The following FSTL4 variants were observed in gnomAD, a reference collection of about 807,000 sequenced individuals.
FSTL4 encodes follistatin like 4.
Under a neutral mutation model 78.2 loss-of-function variants are expected in FSTL4, and 28 were observed. The ratio of observed to expected loss-of-function variants is 0.36; its 90% CI spans 0.27 to 0.49. FSTL4 has a LOEUF of 0.49. Among genes scored for constraint, FSTL4 ranks in the 20% least tolerant of loss-of-function variants. FSTL4 has a pLI of 0.98. For synonymous variants in FSTL4, 422 were observed against 440.5 expected (o/e 0.96, Z 0.53); for missense variants, 922 against 1,084.9 (o/e 0.85, Z 2.11).
At chr5:133,395,971 T>G (rs958254045) in intron 4 of FSTL4, among the ~76,000 whole-genome samples, 1 of 152,296 alleles carries the variant, frequency 6.6e-6, no homozygotes, top group South Asian at 2.1e-4. Context: ...CTAGATGAAC[T>G]TGGGTGGCTC....
chr5:133,674,164 C>T, the FSTL4 span, among the ~76,000 whole-genome samples: 6,805 of 152,274 alleles, frequency 0.045, 207 homozygotes, highest in South Asian at 0.14. Flanking sequence ...GAAGGGCTCC[C>T]CACACTGCTG....
At chr5:133,649,340 T>A in the FSTL4 span, among the ~76,000 whole-genome samples, 1 of 152,328 alleles carries the variant, frequency 6.6e-6, no homozygotes, top group South Asian at 2.1e-4. Context: ...TGTAGGTTCT[T>A]GTGTATAGAG....
At chr5:133,691,852 G>A in the FSTL4 span, among the ~76,000 whole-genome samples, 4 of 152,272 alleles carry the variant, frequency 2.6e-5, no homozygotes, top group East Asian at 1.9e-4. Flanking sequence ...TCTCAGTGAC[G>A]GCAGGGGATG....
At chr5:133,489,969 C>A (rs898879731) in intron 3 of FSTL4, among the ~76,000 whole-genome samples, 2 of 152,224 alleles carry the variant, frequency 1.3e-5, no homozygotes, top group Non-Finnish European at 2.9e-5. Context: ...CCAGGAAATA[C>A]CTGTTTCTAT....
At chr5:133,742,225 C>T in the FSTL4 span, among the ~76,000 whole-genome samples, 3 of 152,146 alleles carry the variant, frequency 2.0e-5, no homozygotes, top group African/African-American at 2.4e-5. Context: ...CTAGCAGGGC[C>T]GCCCTGTGGA....
At chr5:133,241,587 C>T (rs1281071675) in intron 7 of FSTL4, among the ~76,000 whole-genome samples, 2 of 152,200 alleles carry the variant, frequency 1.3e-5, no homozygotes, top group African/African-American at 4.8e-5. Flanking sequence ...GTAGGGGTGG[C>T]AGCTAATGGG....
At chr5:133,545,184 C>A (rs1447040378) in intron 3 of FSTL4, among the ~76,000 whole-genome samples, 2 of 152,096 alleles carry the variant, frequency 1.3e-5, no homozygotes, top group East Asian at 3.9e-4. Flanking sequence ...GACTTCTGGA[C>A]AAAAAGAGCT....
Position 133,221,891 on chromosome 5 carries a change from GTTTTTTT to G in FSTL4, c.1340-1032_1340-1026del, listed in dbSNP as rs59400068. ...AATATGTAGAAAAATCTCTTTTCTA[GTTTTTTT>G]TTTTTTTTTTTTTTTTTTTTTTTTT... is the stretch of plus-strand genomic sequence containing the variant. On this transcript the variant is annotated intron_variant, in intron 11 of 15. Transcript: ENST00000265342. Among the ~76,000 whole-genome samples the G allele has an allele frequency of 7.0e-3, 303 of 43,328 alleles. 4 individuals are homozygous for G. Among genetic ancestry groups the G allele is most frequent in the Middle Eastern group, 0.05 (4 of 80 alleles). 28.4% of individuals were successfully genotyped at this position (43,328 alleles called of 152,430 possible). A position where few individuals can be genotyped will look rare whatever the true frequency, so the allele number is the denominator to read the frequency against.
At chr5:133,664,755 A>C in the FSTL4 span, among the ~76,000 whole-genome samples, 2 of 152,322 alleles carry the variant, frequency 1.3e-5, no homozygotes, top group African/African-American at 4.8e-5. Flanking sequence ...TAACTCTGTC[A>C]GGGGTTTTAT....
chr5:133,351,312 T>A lies in FSTL4; in HGVS notation c.410-34660A>T, dbSNP rs180898195. Among the ~76,000 whole-genome samples, 200 of 152,330 alleles carry A rather than the reference T, an allele frequency of 1.3e-3. 2 individuals are homozygous for A. Among genetic ancestry groups the A allele is most frequent in the African/African-American group, 4.5e-3 (186 of 41,588 alleles). ...TACAATTTTACCATTAAGTCTTGAATCACTTTTATAATTTTGCCTGGAACT... is the reference window on the plus strand; with the variant it reads ...TACAATTTTACCATTAAGTCTTGAAACACTTTTATAATTTTGCCTGGAACT... On this transcript the variant is annotated intron_variant, in intron 4 of 15. Transcript: ENST00000265342.
At chr5:133,308,070 G>A (rs572280654) in intron 6 of FSTL4, among the ~76,000 whole-genome samples, 2 of 152,144 alleles carry the variant, frequency 1.3e-5, no homozygotes, top group Non-Finnish European at 1.5e-5. Flanking sequence ...GTGAGCCACC[G>A]TGCCCGGCCT....
At chr5:133,636,468 A>C in the FSTL4 span, among the ~76,000 whole-genome samples, 1 of 152,138 alleles carries the variant, frequency 6.6e-6, no homozygotes, top group Admixed American at 6.5e-5. Context: ...CACAGTAAAC[A>C]CTCAACAAAG....
chr5:133,765,165 T>A, the FSTL4 span, among the ~76,000 whole-genome samples: 1 of 152,254 alleles, frequency 6.6e-6, no homozygotes, highest in Non-Finnish European at 1.5e-5. Flanking sequence ...TTATTTCTCC[T>A]CTTTGTTGAA....
chr5:133,839,793 T>G, the FSTL4 span, among the ~76,000 whole-genome samples: 1 of 152,230 alleles, frequency 6.6e-6, no homozygotes, highest in Admixed American at 6.5e-5. Flanking sequence ...ATTTTCCAAA[T>G]TAGGCTGATG....
chr5:133,543,559 T>C (rs962676042), intron 3 of FSTL4, among the ~76,000 whole-genome samples: 1 of 152,256 alleles, frequency 6.6e-6, no homozygotes, highest in African/African-American at 2.4e-5. Context: ...TCTCTAGTTA[T>C]GCTTTATGCC....
chr5:133,558,890 GGA>G (rs1301880755), intron 3 of FSTL4, among the ~76,000 whole-genome samples: 1 of 152,146 alleles, frequency 6.6e-6, no homozygotes, highest in Non-Finnish European at 1.5e-5. Context: ...AGGCCAATCA[GGA>G]GAGAGAGTGT....
intron 4 of FSTL4, among the ~76,000 whole-genome samples, chr5:133,357,986 C>A (rs768168076): frequency 6.6e-6 from 1 of 152,216 alleles, no homozygotes; most frequent in Non-Finnish European, 1.5e-5. Context: ...GCATAGAACT[C>A]CAGCCATGCT....
intron 3 of FSTL4, among the ~76,000 whole-genome samples, chr5:133,527,268 A>T (rs1759150674): frequency 6.6e-6 from 1 of 152,220 alleles, no homozygotes; most frequent in Non-Finnish European, 1.5e-5. Context: ...TGCTTGGCTC[A>T]TGGAACCAGA....
upstream of FSTL4, among the ~76,000 whole-genome samples, chr5:133,614,689 C>T (rs750287308): frequency 6.6e-6 from 1 of 152,020 alleles, no homozygotes; most frequent in Non-Finnish European, 1.5e-5. Flanking sequence ...TGCCTGAAAC[C>T]CTGTTTCAGA....
Sources: allele counts gnomAD v4.1 joint callset (sites outside exome capture counted in the v4.1 genomes callset), GRCh38; gene constraint gnomAD v4.1.1; transcripts MANE v1.5; gene names NCBI Gene and HGNC (gene_info 2026-07-23, HGNC 2026-07-21).